TBC1D4: variants seen among roughly 807,000 people sequenced by gnomAD.
TBC1D4 encodes the protein TBC (Tre-2, BUB2, CDC16) domain-containing protein.
Under a neutral mutation model 142.5 loss-of-function variants are expected in TBC1D4, and 121 were observed. That is an observed-to-expected ratio of 0.85 (90% CI 0.73 to 0.99). The LOEUF (loss-of-function observed/expected upper bound fraction) is 0.99. Ranked by LOEUF, TBC1D4 falls within the 50% of genes least tolerant of loss-of-function variation. TBC1D4 has a pLI of 0.00. For synonymous variants in TBC1D4, 630 were observed against 628.2 expected (o/e 1.00, Z -0.04); for missense variants, 1,475 against 1,606.6 (o/e 0.92, Z 1.40).
chr13:75,445,226 A>C (rs376941287), intron 1 of TBC1D4, among the ~76,000 whole-genome samples: 23 of 152,352 alleles, frequency 1.5e-4, no homozygotes, highest in East Asian at 1.3e-3. Flanking sequence ...AAATTTAAAT[A>C]ATCTATGTGT....
intron 1 of TBC1D4, among the ~76,000 whole-genome samples, chr13:75,477,683 A>C (rs1888676244): frequency 6.6e-6 from 1 of 152,236 alleles, no homozygotes; most frequent in African/African-American, 2.4e-5. Flanking sequence ...AATGCCATAC[A>C]GACTCTTTTT....
intron 4 of TBC1D4, among the ~76,000 whole-genome samples, chr13:75,355,161 T>C (rs1318802028): frequency 1.3e-5 from 2 of 152,226 alleles, no homozygotes; most frequent in African/African-American, 2.4e-5. Flanking sequence ...GCAGGGATAA[T>C]TGTGATATTC....
intron 1 of TBC1D4, among the ~76,000 whole-genome samples, chr13:75,475,676 A>G (rs1459798407): frequency 6.6e-6 from 1 of 152,200 alleles, no homozygotes; most frequent in Non-Finnish European, 1.5e-5. Context: ...CAGTTTCCTC[A>G]CCAAGCAATT....
chr13:75,360,900 C>T (rs1250605835), intron 2 of TBC1D4, among the ~76,000 whole-genome samples: 2 of 152,150 alleles, frequency 1.3e-5, no homozygotes, highest in African/African-American at 4.8e-5. Flanking sequence ...ATAAAGCAAA[C>T]TTCTGATATT....
In TBC1D4 at chr13:75,295,303, A is replaced by G. The variant is rs562981676; in HGVS notation, c.3157-290T>C. Among the ~76,000 whole-genome samples, 3 of 152,290 alleles carry G rather than the reference A, an allele frequency of 2.0e-5. No individual in the cohort carries two copies. In the South Asian group the frequency reaches 6.2e-4, roughly 32 times the overall value. On this transcript the variant is annotated intron_variant, in intron 17 of 20. Coordinates refer to ENST00000377636, the MANE Select transcript of TBC1D4 (RefSeq NM_014832.5). The stretch of plus-strand genomic sequence containing the variant: ...GGAATTTTTTCTTCTGTAGGGAGGC[A>G]TTGCTTTTGGAATTTAATGAGAACA...
intron 20 of TBC1D4, among the ~76,000 whole-genome samples, chr13:75,287,344 G>A (rs1190710259): frequency 1.3e-5 from 2 of 152,160 alleles, no homozygotes; most frequent in African/African-American, 4.8e-5. Flanking sequence ...AGGAGAAACA[G>A]GAGATTCCTG....
At chr13:75,406,827 G>A (rs1885369632) in intron 1 of TBC1D4, among the ~76,000 whole-genome samples, 1 of 152,128 alleles carries the variant, frequency 6.6e-6, no homozygotes, top group South Asian at 2.1e-4. Flanking sequence ...GTAGTTTAAT[G>A]TACAAAAACG....
chr13:75,302,472 CTA>C, intron 15 of TBC1D4, 71 bp from the exon 16 acceptor site: 1 of 1,579,880 alleles, frequency 6.3e-7, no homozygotes, highest in Non-Finnish European at 8.7e-7. Flanking sequence ...AGCTGATTCA[CTA>C]TATAATTCTG....
chr13:75,432,118 T>C (rs1886613372), intron 1 of TBC1D4, among the ~76,000 whole-genome samples: 1 of 152,152 alleles, frequency 6.6e-6, no homozygotes, highest in African/African-American at 2.4e-5. Context: ...TCATTTTTCT[T>C]GTGTAACCAG....
intron 7 of TBC1D4, among the ~76,000 whole-genome samples, chr13:75,338,071 C>T (rs1880373317): frequency 6.6e-6 from 1 of 151,898 alleles, no homozygotes; most frequent in Non-Finnish European, 1.5e-5. Flanking sequence ...TGAGGGAAAT[C>T]CCTGTGAATG....
intron 2 of TBC1D4, among the ~76,000 whole-genome samples, chr13:75,360,307 C>T (rs1026003914): frequency 5.9e-5 from 9 of 152,030 alleles, no homozygotes; most frequent in African/African-American, 2.2e-4. Context: ...ACAACAAGGA[C>T]TGTGACTAAC....
intron 16 of TBC1D4, among the ~76,000 whole-genome samples, chr13:75,300,687 A>G (rs1268282574): frequency 6.6e-6 from 1 of 152,230 alleles, no homozygotes; most frequent in East Asian, 1.9e-4. Flanking sequence ...GGAAAACTAT[A>G]AATACACTTT....
At chr13:75,295,509 A>G (rs528000355) in intron 17 of TBC1D4, among the ~76,000 whole-genome samples, 30 of 152,362 alleles carry the variant, frequency 2.0e-4, no homozygotes, top group Non-Finnish European at 3.7e-4. Context: ...GGAGAGAATT[A>G]AAGCTTCGAA....
rs370599223 is a variant in TBC1D4 at position 75,326,443 on chromosome 13, G to A, written c.1807-20C>T. On this transcript the variant is annotated intron_variant, in intron 9 of 20. Coordinates refer to ENST00000377636, the MANE Select transcript of TBC1D4 (RefSeq NM_014832.5). Reference sequence around the variant, plus strand: ...GTAGTCCTGAAACACAAGCGGAAGGGAGCCCTTTATTTCCCACGTGGGTCA... The same window carrying A: ...GTAGTCCTGAAACACAAGCGGAAGGAAGCCCTTTATTTCCCACGTGGGTCA... 4 of 1,613,296 alleles carry A rather than the reference G, an allele frequency of 2.5e-6. No homozygotes were observed. The African/African-American group carries it at 4.0e-5, about 16-fold the overall frequency.
rs1880668474 is a variant in TBC1D4, at chr13:75,341,185, G to A, written c.1551C>T (p.His517=). Residue 517 remains histidine, a synonymous_variant, in exon 7 of 21, where the codon CAC becomes CAT. Coordinates refer to ENST00000377636, the MANE Select transcript of TBC1D4 (RefSeq NM_014832.5). The part of the protein sequence containing the change: ...DQEENELVIL[H]LRQLCEAKQK... ...GCTTGGCTTCACACAGCTGCCTCAGGTGTAAAATCACAAGTTCATTTTCTT... is the reference window on the plus strand; with the variant it reads ...GCTTGGCTTCACACAGCTGCCTCAGATGTAAAATCACAAGTTCATTTTCTT... 1.9e-6 allele frequency: 3 copies of A among 1,613,572 alleles called. No individual in the cohort carries two copies. The highest frequency in any genetic ancestry group is 2.5e-6 in the Non-Finnish European group (3 of 1,179,918).
chr13:75,414,292 T>A (rs1885818899), intron 1 of TBC1D4, among the ~76,000 whole-genome samples: 1 of 151,938 alleles, frequency 6.6e-6, no homozygotes, highest in African/African-American at 2.4e-5. Flanking sequence ...AGCACATAAA[T>A]CTCCTCCTGC....
In TBC1D4 at chr13:75,481,533, C is replaced by T; in HGVS notation, c.235G>A (p.Ala79Thr). Residue 79 changes from alanine to threonine, a missense_variant, in exon 1 of 21, where the codon GCC (alanine) becomes ACC (threonine). This residue lies in a region of TBC1D4 where 1,227 missense variants were observed against 1,267.7 expected (regional missense o/e 0.97). Coordinates refer to ENST00000377636, the MANE Select transcript of TBC1D4 (RefSeq NM_014832.5). Reference protein sequence around the residue: ...PEAGGCGAPAAREVILVLSAP... With the variant: ...PEAGGCGAPATREVILVLSAP... ...CTGAGCACCAGGATCACCTCTCGGG[C>T]CGCCGGCGCCCCGCAGCCGCCCGCC... 1 of 1,602,394 alleles carries T rather than the reference C, an allele frequency of 6.2e-7. No individual in the cohort carries two copies. The highest frequency in any genetic ancestry group is 1.1e-5 in the South Asian group (1 of 90,294).
chr13:75,289,477 C>A (rs1875046997), intron 19 of TBC1D4, among the ~76,000 whole-genome samples: 1 of 151,622 alleles, frequency 6.6e-6, no homozygotes, highest in Non-Finnish European at 1.5e-5. Context: ...ATGTAGTATA[C>A]TAGATAAACA....
At chr13:75,450,633 C>A (rs1395831815) in intron 1 of TBC1D4, among the ~76,000 whole-genome samples, 2 of 152,120 alleles carry the variant, frequency 1.3e-5, no homozygotes, top group East Asian at 1.9e-4. Context: ...CCAGGTAAGC[C>A]CACCAGAACC....
Sources: gnomAD v4.1 joint callset for allele counts (sites outside exome capture counted in the v4.1 genomes callset) on GRCh38, gnomAD v4.1.1 for gene constraint, gnomAD v4.1.1 regional missense constraint, MANE v1.5 for transcripts, NCBI Gene and HGNC (gene_info 2026-07-23, HGNC 2026-07-21) for gene names.